The following MAML1 variants were observed in gnomAD, a reference collection of about 807,000 sequenced individuals.
MAML1 encodes mastermind like transcriptional coactivator 1.
A neutral mutation model predicts 77.1 loss-of-function variants in MAML1; 14 were observed. The observed-to-expected ratio is 0.18, with a 90% CI of 0.12 to 0.28. MAML1 has a LOEUF of 0.28. Ranked by LOEUF, MAML1 falls within the 10% of genes least tolerant of loss-of-function variation. The probability of loss-of-function intolerance (pLI) is 1.00; values close to 1 mark genes in which losing one functional copy is unlikely to be tolerated. For synonymous variants in MAML1, 516 were observed against 551.9 expected, an observed-to-expected ratio of 0.93 and a Z score of 0.91; for missense variants, 1,217 against 1,327.8, an observed-to-expected ratio of 0.92 and a Z score of 1.30.
chr5:179,769,744 G>T lies in MAML1; in HGVS notation c.1971+655G>T, dbSNP rs1456780023. Reference sequence around the variant, plus strand: ...ATTTTTGTGTTTTTAGTAGAGATGGGGTTTCACCACGTTGGCCAGGCTGGT... The same window carrying T: ...ATTTTTGTGTTTTTAGTAGAGATGGTGTTTCACCACGTTGGCCAGGCTGGT... On this transcript the variant is annotated intron_variant, in intron 3 of 4. Coordinates refer to ENST00000292599, the MANE Select transcript of MAML1 (RefSeq NM_014757.5). The surrounding 1 kb of genome is among the most constrained non-coding windows in gnomAD (Gnocchi z 4.2). 1.3e-5 allele frequency among the ~76,000 whole-genome samples: 2 copies of T among 151,926 alleles called. No homozygotes were observed. Among genetic ancestry groups the T allele is most frequent in the Admixed American group, 1.3e-4 (2 of 15,254 alleles).
chr5:179,765,045 T>C (rs146084761), intron 1 of MAML1, among the ~76,000 whole-genome samples: 1 of 151,790 alleles, frequency 6.6e-6, no homozygotes, highest in African/African-American at 2.4e-5. Context: ...TTTTGTTGGC[T>C]CCATTCTTGG....
At chr5:179,748,395 T>C (rs1779422841) in intron 1 of MAML1, among the ~76,000 whole-genome samples, 1 of 146,856 alleles carries the variant, frequency 6.8e-6, no homozygotes, top group African/African-American at 2.7e-5. Context: ...TACTGTATAC[T>C]TTAAAAAGTT....
At position 179,774,183 on chromosome 5, in the gene MAML1, A is replaced by T. The variant is rs768499393; in HGVS notation, c.2357A>T (p.Asn786Ile). The T allele has an allele frequency of 6.2e-7, 1 of 1,613,520 alleles. No individual in the cohort carries two copies. Among genetic ancestry groups the T allele is most frequent in the Non-Finnish European group, 8.5e-7 (1 of 1,179,998 alleles). ...CATGCCCACATTCCACGGCAGACCA[A>T]CGTGGGCCAGAACACCTCCGTCTCA... ...NGHAHIPRQT[N>I]VGQNTSVSAA... The change falls in exon 5 of 5, where the codon AAC becomes ATC. Residue 786 changes from asparagine to isoleucine, a missense_variant. Asn to Ile is a moderately radical substitution (Grantham distance 149). Around this residue, in one of 3 missense-constraint regions of MAML1, gnomAD observed 884 missense variants for 949.3 expected, o/e 0.93. Coordinates refer to ENST00000292599, the MANE Select transcript of MAML1 (RefSeq NM_014757.5).
At chr5:179,743,855 A>T (rs1779329699) in intron 1 of MAML1, among the ~76,000 whole-genome samples, 1 of 152,176 alleles carries the variant, frequency 6.6e-6, no homozygotes, top group Admixed American at 6.6e-5. Context: ...ATTTAATTTG[A>T]ATCAACTCTT....
At position 179,768,920 on chromosome 5, in the gene MAML1, C is replaced by T; in HGVS notation, c.1802C>T (p.Ser601Phe). 2 of 1,614,194 alleles carry T rather than the reference C, an allele frequency of 1.2e-6. No homozygotes were observed. The highest frequency in any genetic ancestry group is 8.5e-7 in the Non-Finnish European group (1 of 1,180,040). Residue 601 changes from serine (S) to phenylalanine (F), a missense_variant, in exon 3 of 5, where the codon TCC (serine) becomes TTC (phenylalanine). Coordinates refer to ENST00000292599, the MANE Select transcript of MAML1 (RefSeq NM_014757.5). Reference sequence around the variant, plus strand: ...GTTGGGACCCAGCCGCCTGCCGTGTCCGTGGCCAGCTCCCACAACAGCTCC... The same window carrying T: ...GTTGGGACCCAGCCGCCTGCCGTGTTCGTGGCCAGCTCCCACAACAGCTCC... ...TSVGTQPPAV[S>F]VASSHNSSPY... is the part of the protein sequence containing the mutation.
rs1779798205 is a variant in MAML1, at chr5:179,765,411, T to C, written c.401T>C (p.Phe134Ser). ...CAACAGAATGGCTACGGGGACCTCT[T>C]TCCTGGGCATAAGAAGACTCGCCGG... ...GDQQNGYGDL[F>S]PGHKKTRREA... is the part of the protein sequence containing the mutation. The change falls in exon 2 of 5, where the codon TTT becomes TCT. Residue 134 changes from phenylalanine to serine, a missense_variant. Coordinates refer to ENST00000292599, the MANE Select transcript of MAML1 (RefSeq NM_014757.5). The C allele has an allele frequency of 6.2e-7, 1 of 1,614,060 alleles. No individual in the cohort carries two copies.
intron 1 of MAML1, among the ~76,000 whole-genome samples, chr5:179,743,497 G>T (rs1185358364): frequency 1.3e-5 from 2 of 150,620 alleles, no homozygotes; most frequent in African/African-American, 2.4e-5. Flanking sequence ...CTCCCAAGTA[G>T]CTGGGACTAC....
intron 1 of MAML1, among the ~76,000 whole-genome samples, chr5:179,743,348 G>A (rs1415191801): frequency 1.4e-5 from 2 of 144,992 alleles, no homozygotes; most frequent in East Asian, 2.0e-4. Context: ...CACCATGCCC[G>A]ACCCCCTGCC....
chr5:179,738,158 T>C (rs1004221076), intron 1 of MAML1, among the ~76,000 whole-genome samples: 3 of 152,218 alleles, frequency 2.0e-5, no homozygotes, highest in Non-Finnish European at 2.9e-5. Flanking sequence ...CTGTTGTCAC[T>C]GTTGTGCCCC....
Position 179,766,399 on chromosome 5 carries a change from A to T in MAML1, c.1389A>T (p.Lys463Asn). ...ACAAGCAAGACTTCACTAACTCCAAACTGCTCATGATGCCTAGTGTGAATA... is the reference window on the plus strand; with the variant it reads ...ACAAGCAAGACTTCACTAACTCCAATCTGCTCATGATGCCTAGTGTGAATA... ...SSYKQDFTNS[K>N]LLMMPSVNKS... The change falls in exon 2 of 5, where the codon AAA becomes AAT. Residue 463 changes from lysine to asparagine, a missense_variant. Lys to Asn is a moderately conservative substitution (Grantham distance 94). Coordinates refer to ENST00000292599, the MANE Select transcript of MAML1 (RefSeq NM_014757.5). The surrounding 1 kb of genome is among the most constrained non-coding windows in gnomAD (Gnocchi z 4.0). 1 of 1,611,902 alleles carries T rather than the reference A, an allele frequency of 6.2e-7. No homozygotes were observed. The highest frequency in any genetic ancestry group is 8.5e-7 in the Non-Finnish European group (1 of 1,178,810).
intron 1 of MAML1, among the ~76,000 whole-genome samples, chr5:179,759,177 C>T (rs1779679686): frequency 6.6e-6 from 1 of 152,160 alleles, no homozygotes; most frequent in Non-Finnish European, 1.5e-5. Flanking sequence ...ATGCAAGCTT[C>T]TCTTTCGGCA....
Position 179,775,690 on chromosome 5 carries a change from C to T in MAML1, c.*813C>T. 6 of 985,454 alleles carry T rather than the reference C, an allele frequency of 6.1e-6. No homozygotes were observed. Among genetic ancestry groups the T allele is most frequent in the Non-Finnish European group, 7.2e-6 (6 of 829,948 alleles). The allele number at this position is 985,454 out of a possible 1,614,324, so 61.0% of individuals were successfully genotyped here. A position where few individuals can be genotyped will look rare whatever the true frequency, so the allele number is the denominator to read the frequency against. The stretch of plus-strand genomic sequence containing the variant: ...GGTAGAGATGTGGGGGTCCTGTATC[C>T]TGGAGTATTATGTCTCCCCACCTTC... On this transcript the variant is annotated 3_prime_UTR_variant, in exon 5 of 5. Transcript: ENST00000292599.
In MAML1 at chr5:179,775,531, G is replaced by A. The variant is rs1756118768; in HGVS notation, c.*654G>A. 2.0e-6 allele frequency: 2 copies of A among 985,310 alleles called. No homozygotes were observed. The highest frequency in any genetic ancestry group is 2.4e-6 in the Non-Finnish European group (2 of 829,898). 61.0% of individuals were successfully genotyped at this position (985,310 alleles called of 1,614,324 possible). On this transcript the variant is annotated 3_prime_UTR_variant, in exon 5 of 5. Coordinates refer to ENST00000292599, the MANE Select transcript of MAML1 (RefSeq NM_014757.5). ...CTGTTGACTGCGTATGCCAAAAAGG[G>A]ACAGGAGGCATGGGATAGCAGGTCT...
intron 1 of MAML1, among the ~76,000 whole-genome samples, chr5:179,754,991 G>A (rs1329817091): frequency 6.6e-6 from 1 of 152,186 alleles, no homozygotes; most frequent in Non-Finnish European, 1.5e-5. Context: ...AAGAGAGAAA[G>A]AAAAGAGTTG....
Position 179,776,582 on chromosome 5 carries a change from C to T in MAML1, c.*1705C>T, listed in dbSNP as rs1371185692. 1 of 985,628 alleles carries T rather than the reference C, an allele frequency of 1.0e-6. No individual in the cohort carries two copies. The highest frequency in any genetic ancestry group is 1.7e-5 in the African/African-American group (1 of 57,350). 61.1% of individuals were successfully genotyped at this position (985,628 alleles called of 1,614,324 possible). On this transcript the variant is annotated 3_prime_UTR_variant, in exon 5 of 5. Transcript: ENST00000292599. ...TCATAAAGCCAGTGAAAATTTCACC[C>T]TCTGAGGGAGTTCCCCAATCTGAAG... is the stretch of plus-strand genomic sequence containing the variant.
At chr5:179,743,817 AG>A (rs1323797267) in intron 1 of MAML1, among the ~76,000 whole-genome samples, 1 of 152,206 alleles carries the variant, frequency 6.6e-6, no homozygotes, top group African/African-American at 2.4e-5. Context: ...TAATACATTT[AG>A]GTAACAGTCT....
chr5:179,738,032 G>A (rs911812293), intron 1 of MAML1, among the ~76,000 whole-genome samples: 3 of 152,126 alleles, frequency 2.0e-5, no homozygotes, highest in African/African-American at 4.8e-5. Context: ...TTCTTACTTA[G>A]TTTTAGGTGT....
intron 1 of MAML1, among the ~76,000 whole-genome samples, chr5:179,735,416 C>T (rs1779146612): frequency 1.3e-5 from 2 of 152,174 alleles, no homozygotes; most frequent in South Asian, 4.1e-4. Flanking sequence ...GAGATGGAGT[C>T]TTGCCCTGTT....
chr5:179,759,032 C>G (rs1273778243), intron 1 of MAML1, among the ~76,000 whole-genome samples: 1 of 152,102 alleles, frequency 6.6e-6, no homozygotes, highest in Non-Finnish European at 1.5e-5. Flanking sequence ...GTTTGTGGCG[C>G]TGGTATGTGG....
Sources: gnomAD v4.1 joint callset for allele counts (sites outside exome capture counted in the v4.1 genomes callset) on GRCh38, gnomAD v4.1.1 for gene constraint, gnomAD v4.1.1 regional missense constraint, Gnocchi (gnomAD v3.1) non-coding constraint, MANE v1.5 for transcripts, NCBI Gene and HGNC (gene_info 2026-07-23, HGNC 2026-07-21) for gene names.